The following XYLT1 variants were observed in gnomAD, a reference collection of about 807,000 sequenced individuals.
XYLT1 encodes the protein beta-D-xylosyltransferase 1.
Under a neutral mutation model 91.3 loss-of-function variants are expected in XYLT1, and 36 were observed. That is an observed-to-expected ratio of 0.39 (90% confidence interval 0.30 to 0.52). XYLT1 has a LOEUF of 0.52. Ranked by LOEUF, XYLT1 falls within the 20% of genes least tolerant of loss-of-function variation. The pLI is 0.68. For synonymous variants in XYLT1, 588 were observed against 532.0 expected (o/e 1.11, Z -1.45); for missense variants, 1,242 against 1,284.5 (o/e 0.97, Z 0.51).
intron 11 of XYLT1, among the ~76,000 whole-genome samples, chr16:17,115,376 T>TAGG (rs1300371550): frequency 1.4e-5 from 2 of 147,064 alleles, no homozygotes; most frequent in East Asian, 4.1e-4. Context: ...TTCAGCTACT[T>TAGG]AGGAGGCTGA....
At chr16:17,292,838 C>T (rs191890173) in intron 2 of XYLT1, among the ~76,000 whole-genome samples, 257 of 152,306 alleles carry the variant, frequency 1.7e-3, no homozygotes, top group Non-Finnish European at 1.7e-3. Flanking sequence ...CACATCTCTC[C>T]ACACTTTGCC....
chr16:17,400,438 A>G (rs2141900388), intron 1 of XYLT1, among the ~76,000 whole-genome samples: 1 of 152,184 alleles, frequency 6.6e-6, no homozygotes, highest in African/African-American at 2.4e-5. Flanking sequence ...AAAAATACAA[A>G]AATTAGCTGG....
chr16:17,131,480 C>A (rs2030474134), intron 9 of XYLT1, among the ~76,000 whole-genome samples: 1 of 152,196 alleles, frequency 6.6e-6, no homozygotes, highest in Admixed American at 6.5e-5. Flanking sequence ...TGGGGTTCAG[C>A]TCCATGGACC....
intron 1 of XYLT1, among the ~76,000 whole-genome samples, chr16:17,438,674 G>A (rs1212943646): frequency 1.3e-5 from 2 of 152,088 alleles, no homozygotes; most frequent in Non-Finnish European, 2.9e-5. Flanking sequence ...TGGCTAGGAG[G>A]CTTCAGAAGA....
chr16:17,467,673 A>T (rs1309302943), intron 1 of XYLT1, among the ~76,000 whole-genome samples: 1 of 152,164 alleles, frequency 6.6e-6, no homozygotes. Flanking sequence ...ACCGAAGCGC[A>T]GCTCCCCAAA....
chr16:17,120,447 C>T (rs1414877537), intron 10 of XYLT1, among the ~76,000 whole-genome samples: 1 of 151,992 alleles, frequency 6.6e-6, no homozygotes, highest in African/African-American at 2.4e-5. Context: ...GCACCTCATC[C>T]GGAAGGGCTC....
intron 1 of XYLT1, among the ~76,000 whole-genome samples, chr16:17,453,845 G>A (rs1207097734): frequency 1.3e-5 from 2 of 152,166 alleles, no homozygotes; most frequent in Non-Finnish European, 2.9e-5. Context: ...AGATAAGAGC[G>A]CTGTGGACAA....
intron 1 of XYLT1, among the ~76,000 whole-genome samples, chr16:17,438,549 C>T (rs1005182052): frequency 2.0e-5 from 3 of 152,076 alleles, no homozygotes; most frequent in East Asian, 1.9e-4. Flanking sequence ...AGACTACCAG[C>T]GTTCACATCT....
chr16:17,361,890 C>T (rs1413450337), intron 1 of XYLT1, among the ~76,000 whole-genome samples: 1 of 152,236 alleles, frequency 6.6e-6, no homozygotes, highest in Non-Finnish European at 1.5e-5. Context: ...GTTAAGTTCT[C>T]ACTATGTTCC....
rs925447247 is a variant in XYLT1, at chr16:17,105,818, C to A, written c.*2877G>T. 2.0e-5 allele frequency: 3 copies of A among 151,974 alleles called. No individual in the cohort carries two copies. Among genetic ancestry groups the A allele is most frequent in the African/African-American group, 7.2e-5 (3 of 41,394 alleles). 9.4% of individuals were successfully genotyped at this position (151,974 alleles called of 1,614,324 possible). ...AGGCTGTCTGACCAATGGCCTCCAA[C>A]AAATAAATAAATCATTCTCAGGCAG... On this transcript the variant is annotated 3_prime_UTR_variant, in exon 12 of 12. Transcript: ENST00000261381.
intron 1 of XYLT1, among the ~76,000 whole-genome samples, chr16:17,378,469 G>A (rs10468234): frequency 7.8e-4 from 119 of 152,316 alleles, no homozygotes; most frequent in African/African-American, 2.7e-3. Context: ...TTCCCAAAAG[G>A]TGGATCTTTT....
Position 17,377,746 on chromosome 16 carries a change from C to A in XYLT1, c.364-19696G>T, listed in dbSNP as rs528717970. The stretch of plus-strand genomic sequence containing the variant: ...TATTTCTAGCTTAACCACGTGATGC[C>A]TGTGAGTTTCAAGCACTGGAGCATC... On this transcript the variant is annotated intron_variant, in intron 1 of 11. Transcript: ENST00000261381. Among the ~76,000 whole-genome samples, 19 of 152,266 alleles carry A rather than the reference C, an allele frequency of 1.2e-4. No individual in the cohort carries two copies. The East Asian group carries it at 3.7e-3, about 29-fold the overall frequency.
Position 17,108,748 on chromosome 16 carries a change from G to A in XYLT1, c.2827C>T (p.Pro943Ser), listed in dbSNP as rs1404978711. The stretch of plus-strand genomic sequence containing the variant: ...GCCCCCAGCTCCGACTTGGGGTCAG[G>A]GCTGAAGGAGCTCCAGGCCGTCTGG... ...CSQTAWSSFSPDPKSELGAVK... is the reference protein window; with the variant it reads ...CSQTAWSSFSSDPKSELGAVK... Residue 943 changes from proline to serine, a missense_variant, in exon 12 of 12, where the codon CCT becomes TCT. Pro to Ser is a moderately conservative substitution (Grantham distance 74). Around this residue, in one of 3 missense-constraint regions of XYLT1, gnomAD observed 511 missense variants for 497.0 expected, o/e 1.03. Transcript: ENST00000261381. 4 of 1,605,894 alleles carry A rather than the reference G, an allele frequency of 2.5e-6. No homozygotes were observed. The South Asian group carries it at 3.3e-5, about 13-fold the overall frequency.
intron 1 of XYLT1, among the ~76,000 whole-genome samples, chr16:17,470,035 C>G (rs1449896519): frequency 6.6e-6 from 1 of 152,116 alleles, no homozygotes; most frequent in African/African-American, 2.4e-5. Flanking sequence ...CTGCGACAAC[C>G]GCCCAGGAAC....
At chr16:17,113,067 G>A (rs952318494) in intron 11 of XYLT1, among the ~76,000 whole-genome samples, 1 of 152,012 alleles carries the variant, frequency 6.6e-6, no homozygotes, top group African/African-American at 2.4e-5. Context: ...TTGAACTCCC[G>A]AGCTCAGGTG....
chr16:17,295,838 T>C (rs1331123514), intron 2 of XYLT1, among the ~76,000 whole-genome samples: 2 of 152,294 alleles, frequency 1.3e-5, no homozygotes, highest in East Asian at 3.9e-4. Context: ...AAGAATGATC[T>C]GGCCCCACAT....
At chr16:17,389,754 T>C (rs576948432) in intron 1 of XYLT1, among the ~76,000 whole-genome samples, 2 of 152,352 alleles carry the variant, frequency 1.3e-5, no homozygotes, top group South Asian at 4.1e-4. Flanking sequence ...TCAAAGGGTG[T>C]AGGCTTCAAG....
At chr16:17,445,492 G>C (rs760268512) in intron 1 of XYLT1, among the ~76,000 whole-genome samples, 1 of 152,218 alleles carries the variant, frequency 6.6e-6, no homozygotes, top group Non-Finnish European at 1.5e-5. Context: ...GGAAGGCTGG[G>C]AGCCCTTCCT....
chr16:17,445,577 T>C (rs1220605125), intron 1 of XYLT1, among the ~76,000 whole-genome samples: 3 of 152,168 alleles, frequency 2.0e-5, no homozygotes, highest in Non-Finnish European at 2.9e-5. Flanking sequence ...CTGGGCTCTT[T>C]TGAGCGACTC....
Sources: gnomAD v4.1 joint callset for allele counts (sites outside exome capture counted in the v4.1 genomes callset) on GRCh38, gnomAD v4.1.1 for gene constraint, gnomAD v4.1.1 regional missense constraint, MANE v1.5 for transcripts, NCBI Gene and HGNC (gene_info 2026-07-23, HGNC 2026-07-21) for gene names.